Variants in CELF2 observed in about 807,000 individuals in gnomAD.
The protein encoded by CELF2 is CUGBP Elav-like family member 2, also known as CUG triplet repeat RNA-binding protein 2.
CELF2 carries 8 observed loss-of-function variants against 62.6 expected under a neutral mutation model. That is an observed-to-expected ratio of 0.13 (90% confidence interval 0.07 to 0.23). CELF2 has a LOEUF of 0.23. CELF2 is among the 10% of genes least tolerant of loss of function. CELF2 has a pLI of 1.00. For synonymous variants in CELF2, 258 were observed against 250.0 expected, an observed-to-expected ratio of 1.03 and a Z score of -0.30; for missense variants, 333 against 671.0, an observed-to-expected ratio of 0.50 and a Z score of 5.56.
intron 1 of CELF2, among the ~76,000 whole-genome samples, chr10:10,828,748 G>C (rs1483005446): frequency 6.6e-6 from 1 of 152,176 alleles, no homozygotes; most frequent in African/African-American, 2.4e-5. Flanking sequence ...CAGTATGTTA[G>C]ACCAAGAATG....
the CELF2 span, among the ~76,000 whole-genome samples, chr10:10,510,584 G>A: frequency 6.6e-6 from 1 of 152,210 alleles, no homozygotes; most frequent in East Asian, 1.9e-4. Context: ...CACTGACAGT[G>A]TGCTTCAGGC....
chr10:11,128,278 C>T (rs2059051562), intron 1 of CELF2, among the ~76,000 whole-genome samples: 1 of 152,194 alleles, frequency 6.6e-6, no homozygotes, highest in South Asian at 2.1e-4. Context: ...GTTTTGATTA[C>T]TGTAGCCTTG....
intron 4 of CELF2, 72 bp from the exon 5 acceptor site, chr10:11,257,666 G>T: frequency 6.5e-7 from 1 of 1,546,326 alleles, no homozygotes; most frequent in South Asian, 1.2e-5. Context: ...TGGTTTGATG[G>T]GGTAATGAAG....
chr10:10,540,130 T>C, the CELF2 span, among the ~76,000 whole-genome samples: 7 of 152,212 alleles, frequency 4.6e-5, no homozygotes, highest in African/African-American at 1.7e-4. Context: ...TACCTTCTCT[T>C]GCTGGGGACA....
chr10:10,976,103 A>C (rs532075930), intron 2 of CELF2, among the ~76,000 whole-genome samples: 1 of 152,358 alleles, frequency 6.6e-6, no homozygotes, highest in South Asian at 2.1e-4. Flanking sequence ...TCTTATGCTA[A>C]CAAGCAATGA....
chr10:10,846,607 T>G (rs2059029451), intron 1 of CELF2, among the ~76,000 whole-genome samples: 1 of 152,164 alleles, frequency 6.6e-6, no homozygotes. Flanking sequence ...AAAGCAGTAA[T>G]TGCCTTTTGA....
At chr10:11,170,641 G>A (rs536325455) in intron 2 of CELF2, among the ~76,000 whole-genome samples, 1 of 152,174 alleles carries the variant, frequency 6.6e-6, no homozygotes, top group Admixed American at 6.5e-5. Flanking sequence ...TAAGGAAGCC[G>A]GCAATGCTGA....
the CELF2 span, among the ~76,000 whole-genome samples, chr10:10,474,661 A>T: frequency 2.6e-5 from 4 of 152,148 alleles, no homozygotes; most frequent in Admixed American, 2.6e-4. Flanking sequence ...AAAGGTCATT[A>T]GTCACCCCCT....
chr10:11,064,242 C>T (rs1345342045), intron 1 of CELF2, among the ~76,000 whole-genome samples: 1 of 152,208 alleles, frequency 6.6e-6, no homozygotes, highest in African/African-American at 2.4e-5. Context: ...AATCATTTCA[C>T]AGTGCTTGAT....
At position 11,333,476 on chromosome 10, in the gene CELF2, T is replaced by C. The variant is rs1465890486; in HGVS notation, c.*4423T>C. ...GTTCATCTTTCTTTCACCATAGGGG[T>C]TATAGTTGGCTTGTGCTACTCTGGA... On this transcript the variant is annotated 3_prime_UTR_variant, in exon 13 of 13. Coordinates refer to ENST00000633077, the MANE Select transcript of CELF2 (RefSeq NM_001326342.2). 1 of 152,516 alleles carries C rather than the reference T, an allele frequency of 6.6e-6. No homozygotes were observed. Among genetic ancestry groups the C allele is most frequent in the East Asian group, 1.9e-4 (1 of 5,202 alleles). The allele number at this position is 152,516 out of a possible 1,614,324, so 9.4% of individuals were successfully genotyped here.
At chr10:10,576,779 T>C in the CELF2 span, among the ~76,000 whole-genome samples, 1 of 152,178 alleles carries the variant, frequency 6.6e-6, no homozygotes, top group Non-Finnish European at 1.5e-5. Context: ...ACTTGTACAG[T>C]GTGTGGTACA....
At chr10:10,577,936 C>A in the CELF2 span, among the ~76,000 whole-genome samples, 1 of 152,318 alleles carries the variant, frequency 6.6e-6, no homozygotes, top group African/African-American at 2.4e-5. Context: ...AATCGCCACA[C>A]CGACTTCCGC....
Position 11,290,559 on chromosome 10 carries a change from T to C in CELF2, c.976+2007T>C, listed in dbSNP as rs1377661578. Among the ~76,000 whole-genome samples, 3 of 150,496 alleles carry C rather than the reference T, an allele frequency of 2.0e-5. No individual in the cohort carries two copies. Among genetic ancestry groups the C allele is most frequent in the Non-Finnish European group, 4.4e-5 (3 of 67,792 alleles). On this transcript the variant is annotated intron_variant, in intron 9 of 12. Transcript: ENST00000633077. This position sits in a 1 kb window ranked among gnomAD's most constrained non-coding sequence, Gnocchi z 4.3. ...AAAAAAATGTGGGCCACTCAGACGG[T>C]CTAGGGCGACGGCCTAGGTGTTAGT...
chr10:11,262,662 C>T (rs984758605), intron 5 of CELF2, among the ~76,000 whole-genome samples: 18 of 152,078 alleles, frequency 1.2e-4, no homozygotes, highest in African/African-American at 4.3e-4. Context: ...CAGGGATGGC[C>T]CATCAGAGTA....
At chr10:10,477,711 G>T in the CELF2 span, among the ~76,000 whole-genome samples, 2 of 150,710 alleles carry the variant, frequency 1.3e-5, no homozygotes, top group African/African-American at 4.9e-5. Context: ...AGGGAAGAAA[G>T]GAAGGAAGGG....
At chr10:11,118,071 A>T (rs1036173682) in intron 1 of CELF2, among the ~76,000 whole-genome samples, 1 of 133,706 alleles carries the variant, frequency 7.5e-6, no homozygotes, top group African/African-American at 3.0e-5. Context: ...ATTAAAAGCT[A>T]TTTTTTTTTT....
At chr10:10,538,939 G>C in the CELF2 span, among the ~76,000 whole-genome samples, 1 of 152,210 alleles carries the variant, frequency 6.6e-6, no homozygotes, top group Non-Finnish European at 1.5e-5. Context: ...ATTCTCTTAA[G>C]AGGGAAGTAG....
chr10:11,282,884 G>A (rs1191374445), intron 8 of CELF2, among the ~76,000 whole-genome samples: 1 of 152,228 alleles, frequency 6.6e-6, no homozygotes, highest in African/African-American at 2.4e-5. Flanking sequence ...AGTGGAGCTT[G>A]TGTTCCAAGA....
intron 2 of CELF2, among the ~76,000 whole-genome samples, chr10:10,964,945 C>G (rs1240772834): frequency 4.6e-5 from 7 of 152,082 alleles, no homozygotes. Flanking sequence ...GAAAAAAACT[C>G]TTAGCCCTCA....
Sources: allele counts gnomAD v4.1 joint callset (sites outside exome capture counted in the v4.1 genomes callset), GRCh38; gene constraint gnomAD v4.1.1; non-coding constraint Gnocchi (gnomAD v3.1); transcripts MANE v1.5; gene names NCBI Gene and HGNC (gene_info 2026-07-23, HGNC 2026-07-21).